CHM: variants seen among roughly 807,000 people sequenced by gnomAD.
The protein encoded by CHM is rab proteins geranylgeranyltransferase component A 1.
A neutral mutation model predicts 49.0 loss-of-function variants in CHM; 10 were observed. That is an observed-to-expected ratio of 0.20 (90% CI 0.13 to 0.35). The LOEUF (loss-of-function observed/expected upper bound fraction) is 0.35. Ranked by LOEUF, CHM falls within the 10% of genes least tolerant of loss-of-function variation. CHM has a pLI of 1.00. For synonymous variants in CHM, 184 were observed against 167.5 expected, an observed-to-expected ratio of 1.10 and a Z score of -0.76; for missense variants, 455 against 478.4, an observed-to-expected ratio of 0.95 and a Z score of 0.46.
intron 4 of CHM, among the ~76,000 whole-genome samples, chrX:85,978,278 T>A (rs1181756359): frequency 3.6e-5 from 4 of 111,819 alleles, no homozygotes; most frequent in African/African-American, 1.3e-4. Context: ...AAAATGATAA[T>A]CTTCCATTTT....
At chrX:85,938,953 T>C (rs1234611839) in intron 8 of CHM, among the ~76,000 whole-genome samples, 2 of 111,892 alleles carry the variant, frequency 1.8e-5, no homozygotes, top group East Asian at 2.8e-4. Flanking sequence ...ACCACATATA[T>C]GAGGAAAGTC....
At chrX:85,988,454 G>T (rs1251805420) in intron 2 of CHM, among the ~76,000 whole-genome samples, 1 of 111,702 alleles carries the variant, frequency 9.0e-6, no homozygotes, top group Non-Finnish European at 1.9e-5. Context: ...AGACAAGAAT[G>T]CCCTCTCTCA....
At chrX:85,871,127 A>G (rs911508824) in intron 14 of CHM, among the ~76,000 whole-genome samples, 14 of 106,561 alleles carry the variant, frequency 1.3e-4, no homozygotes, top group Admixed American at 1.3e-3. Flanking sequence ...CCTGGCTAAC[A>G]TGGTGAAACC....
At chrX:85,963,534 A>T in intron 5 of CHM, 131 bp downstream of exon 5, 1 of 508,314 alleles carries the variant, frequency 2.0e-6, no homozygotes, top group Non-Finnish European at 3.2e-6. Context: ...GGAATATTTT[A>T]AATGAATTAC....
chrX:86,001,634 G>A (rs940387111), intron 2 of CHM, among the ~76,000 whole-genome samples: 1 of 110,197 alleles, frequency 9.1e-6, no homozygotes, highest in East Asian at 2.9e-4. Flanking sequence ...CAGAACTCAC[G>A]TGAACTGAGT....
At chrX:86,006,594 T>A (rs1202221066) in intron 2 of CHM, among the ~76,000 whole-genome samples, 1 of 111,528 alleles carries the variant, frequency 9.0e-6, no homozygotes, top group Non-Finnish European at 1.9e-5. Context: ...TGTGCAAAAA[T>A]CACAAGCATT....
At chrX:86,021,493 G>A (rs1445903563) in intron 2 of CHM, among the ~76,000 whole-genome samples, 2 of 110,165 alleles carry the variant, frequency 1.8e-5, no homozygotes, top group Non-Finnish European at 3.8e-5. Flanking sequence ...AGTAAGTGGA[G>A]AAACCAAGAT....
At chrX:85,920,589 T>C (rs767043753) in intron 8 of CHM, among the ~76,000 whole-genome samples, 1 of 112,443 alleles carries the variant, frequency 8.9e-6, no homozygotes, top group Non-Finnish European at 1.9e-5. Context: ...TAATCACAAC[T>C]AGCATTGAGT....
At chrX:85,999,252 A>C (rs4587477) in intron 2 of CHM, among the ~76,000 whole-genome samples, 29,517 of 110,720 alleles carry the variant, frequency 0.27, 3,436 homozygotes, top group Admixed American at 0.39. Context: ...ACCTTTTAGG[A>C]ATAATATGGT....
chrX:85,927,998 T>C (rs1928192473), intron 8 of CHM, among the ~76,000 whole-genome samples: 1 of 112,468 alleles, frequency 8.9e-6, no homozygotes, highest in Non-Finnish European at 1.9e-5. Flanking sequence ...TTCTGATTAC[T>C]GCTTCAGCTA....
chrX:86,009,843 C>G (rs976715147), intron 2 of CHM, among the ~76,000 whole-genome samples: 2 of 110,748 alleles, frequency 1.8e-5, no homozygotes, highest in African/African-American at 6.6e-5. Context: ...GGAAGATGAT[C>G]TGAGACTATT....
intron 4 of CHM, among the ~76,000 whole-genome samples, chrX:85,964,374 T>A (rs1326611380): frequency 9.1e-6 from 1 of 110,306 alleles, no homozygotes; most frequent in East Asian, 2.9e-4. Context: ...CTTAGATACT[T>A]ATGTATCCTC....
intron 12 of CHM, among the ~76,000 whole-genome samples, chrX:85,890,792 A>C (rs1273730196): frequency 8.9e-6 from 1 of 112,013 alleles, no homozygotes; most frequent in Admixed American, 9.5e-5. Flanking sequence ...CGAAAATGTG[A>C]AAGCGACTTT....
intron 13 of CHM, among the ~76,000 whole-genome samples, chrX:85,878,353 G>A (rs1924540833): frequency 9.1e-6 from 1 of 110,323 alleles, no homozygotes; most frequent in Middle Eastern, 4.7e-3. Flanking sequence ...GGTGGCACTC[G>A]CCTGTAGTCC....
intron 8 of CHM, among the ~76,000 whole-genome samples, chrX:85,948,012 G>A (rs1017615260): frequency 2.7e-5 from 3 of 111,572 alleles, no homozygotes; most frequent in Non-Finnish European, 5.6e-5. Flanking sequence ...TATCTAGAAG[G>A]TTGACAGTTA....
At chrX:86,008,257 G>A (rs887509996) in intron 2 of CHM, among the ~76,000 whole-genome samples, 11 of 111,231 alleles carry the variant, frequency 9.9e-5, no homozygotes, top group African/African-American at 3.6e-4. Context: ...GGGCCTGTCG[G>A]CAGGTGGGGG....
intron 2 of CHM, among the ~76,000 whole-genome samples, chrX:86,018,714 A>G (rs1933409600): frequency 8.9e-6 from 1 of 112,493 alleles, no homozygotes; most frequent in East Asian, 2.8e-4. Context: ...AATAAAAATA[A>G]ATGAACTACT....
chrX:85,864,076 C>A lies in CHM; in HGVS notation c.*554G>T, dbSNP rs914421489. ...ACTTATTCGTAAAAATGTCTAAACACCTTTATATTAGCATTTTCAATGCTT... is the reference window on the plus strand; with the variant it reads ...ACTTATTCGTAAAAATGTCTAAACAACTTTATATTAGCATTTTCAATGCTT... On this transcript the variant is annotated 3_prime_UTR_variant, in exon 15 of 15. Transcript: ENST00000357749. 2.8e-4 allele frequency: 32 copies of A among 114,581 alleles called. No individual in the cohort carries two copies. The highest frequency in any genetic ancestry group is 4.6e-4 in the Non-Finnish European group (25 of 54,880). The allele number at this position is 114,581 out of a possible 1,213,427, so 9.4% of individuals were successfully genotyped here.
intron 4 of CHM, chrX:85,971,192 T>A: frequency 1.3e-6 from 1 of 754,930 alleles, no homozygotes; most frequent in Non-Finnish European, 1.6e-6. Context: ...GGGTTTGCAC[T>A]AATCCATTTG....
Sources: allele counts gnomAD v4.1 joint callset (sites outside exome capture counted in the v4.1 genomes callset), GRCh38; gene constraint gnomAD v4.1.1; transcripts MANE v1.5; gene names NCBI Gene and HGNC (gene_info 2026-07-23, HGNC 2026-07-21).